TENM4: variants seen among roughly 807,000 people sequenced by gnomAD.
The protein encoded by TENM4 is teneurin transmembrane protein 4.
In TENM4, 82 loss-of-function variants were observed where a neutral mutation model predicts 243.3. The observed-to-expected ratio is 0.34, with a 90% confidence interval of 0.28 to 0.40. The LOEUF is 0.40. Ranked by LOEUF, TENM4 falls within the 10% of genes least tolerant of loss-of-function variation. TENM4 has a pLI of 1.00. For missense variants in TENM4, 3,138 were observed against 3,673.3 expected, an observed-to-expected ratio of 0.85 and a Z score of 3.77; for synonymous variants, 1,412 against 1,456.3, an observed-to-expected ratio of 0.97 and a Z score of 0.69.
chr11:79,145,648 A>T (rs1045510967), intron 4 of TENM4, among the ~76,000 whole-genome samples: 1 of 152,110 alleles, frequency 6.6e-6, no homozygotes, highest in African/African-American at 2.4e-5. Flanking sequence ...TCTCAGGGGT[A>T]TATTCCAAGG....
At chr11:79,437,864 C>G (rs960316541) in intron 1 of TENM4, among the ~76,000 whole-genome samples, 11 of 152,160 alleles carry the variant, frequency 7.2e-5, no homozygotes, top group Non-Finnish European at 1.5e-4. Flanking sequence ...CAGAGCCCCT[C>G]TGGCAGCCGG....
intron 6 of TENM4, among the ~76,000 whole-genome samples, chr11:79,050,035 G>T (rs1479691865): frequency 6.6e-6 from 1 of 152,110 alleles, no homozygotes; most frequent in Non-Finnish European, 1.5e-5. Context: ...TTGAACCTTG[G>T]GCACATCCGG....
chr11:78,920,472 C>A (rs1169061119), intron 6 of TENM4, among the ~76,000 whole-genome samples: 1 of 152,150 alleles, frequency 6.6e-6, no homozygotes, highest in South Asian at 2.1e-4. Context: ...CCGCTGAGCC[C>A]GGAGGCAGGA....
intron 4 of TENM4, among the ~76,000 whole-genome samples, chr11:79,132,709 A>C (rs1348928530): frequency 2.0e-5 from 3 of 152,200 alleles, no homozygotes; most frequent in Admixed American, 6.5e-5. Flanking sequence ...AAACCATGAA[A>C]AAAACATGGA....
intron 20 of TENM4, among the ~76,000 whole-genome samples, chr11:78,732,798 T>G (rs1436464461): frequency 1.3e-5 from 2 of 152,180 alleles, no homozygotes; most frequent in East Asian, 3.9e-4. Context: ...ACATAGAGAA[T>G]TTGCTGAAAT....
intron 8 of TENM4, 40 bp downstream of exon 8, chr11:78,891,198 G>A (rs1565425972): frequency 1.3e-6 from 2 of 1,537,372 alleles, no homozygotes; most frequent in Admixed American, 3.9e-5. Flanking sequence ...GGAGCCACAA[G>A]GAGAGCACAC....
chr11:79,189,851 C>T (rs553950557), intron 3 of TENM4, among the ~76,000 whole-genome samples: 6 of 152,322 alleles, frequency 3.9e-5, no homozygotes, highest in Admixed American at 1.3e-4. Flanking sequence ...GACTTGCCTG[C>T]GCAGCCTCCG....
intron 2 of TENM4, among the ~76,000 whole-genome samples, chr11:79,227,054 A>G (rs1307592371): frequency 6.6e-6 from 1 of 152,172 alleles, no homozygotes; most frequent in Non-Finnish European, 1.5e-5. Flanking sequence ...AGGTTGGGCT[A>G]AAGAAAGTCC....
rs554395822 is a variant in TENM4, at chr11:79,113,429, T to C, written c.-66+35281A>G. On this transcript the variant is annotated intron_variant, in intron 4 of 33. Coordinates refer to ENST00000278550, the MANE Select transcript of TENM4 (RefSeq NM_001098816.3). ...TGTGTGTGTGTGTGTGTTGTGTGTG[T>C]GACAGAGAGAGAGAAAGAGAGGGGG... Among the ~76,000 whole-genome samples, 786 of 150,718 alleles carry C rather than the reference T, an allele frequency of 5.2e-3. 9 individuals carry two copies. The highest frequency in any genetic ancestry group is 0.018 in the African/African-American group (746 of 40,956).
chr11:79,117,364 C>T (rs1033580091), intron 4 of TENM4, among the ~76,000 whole-genome samples: 1 of 152,296 alleles, frequency 6.6e-6, no homozygotes, highest in African/African-American at 2.4e-5. Context: ...ATTTTCAAGC[C>T]TGATTTGAAG....
At chr11:78,857,326 A>C (rs560861113) in intron 10 of TENM4, among the ~76,000 whole-genome samples, 1 of 152,344 alleles carries the variant, frequency 6.6e-6, no homozygotes, top group East Asian at 1.9e-4. Flanking sequence ...TTTGTAAAGA[A>C]AACACACTTT....
At chr11:78,714,842 C>A (rs1234801268) in intron 25 of TENM4, among the ~76,000 whole-genome samples, 1 of 152,188 alleles carries the variant, frequency 6.6e-6, no homozygotes. Context: ...CCTCTGCAAA[C>A]CTTCCCCAGC....
chr11:79,037,087 A>G (rs894221157), intron 6 of TENM4, among the ~76,000 whole-genome samples: 1 of 151,886 alleles, frequency 6.6e-6, no homozygotes, highest in Non-Finnish European at 1.5e-5. Context: ...CTGACAAAGG[A>G]CATCTGGGGT....
intron 6 of TENM4, among the ~76,000 whole-genome samples, chr11:78,915,047 A>G (rs60334808): frequency 0.062 from 9,486 of 152,296 alleles, 408 homozygotes; most frequent in African/African-American, 0.12. Flanking sequence ...ACCATCCGGC[A>G]TGAGTCCACT....
chr11:79,255,960 T>G (rs1308204535), intron 2 of TENM4, among the ~76,000 whole-genome samples: 2 of 152,196 alleles, frequency 1.3e-5, no homozygotes, highest in Non-Finnish European at 2.9e-5. Context: ...CGCTGCCCTT[T>G]TCTGTGCCCC....
intron 1 of TENM4, among the ~76,000 whole-genome samples, chr11:79,308,285 A>G (rs773001220): frequency 2.0e-4 from 31 of 152,252 alleles, no homozygotes; most frequent in Non-Finnish European, 2.6e-4. Context: ...TAAGATTACA[A>G]AGAAAACCGA....
chr11:79,147,840 G>A (rs74484637), intron 4 of TENM4, among the ~76,000 whole-genome samples: 7,560 of 152,122 alleles, frequency 0.05, 623 homozygotes, highest in African/African-American at 0.17. Context: ...GCAAGTGATA[G>A]GGCTTGGATT....
At chr11:78,877,022 A>G (rs1270324194) in intron 9 of TENM4, among the ~76,000 whole-genome samples, 1 of 152,206 alleles carries the variant, frequency 6.6e-6, no homozygotes, top group Non-Finnish European at 1.5e-5. Flanking sequence ...ATACTAATTG[A>G]CATTTTACCA....
rs775225883 is a variant in TENM4, at chr11:78,756,841, G to A, written c.2720C>T (p.Thr907Met). The change falls in exon 19 of 34, where the codon ACG (threonine) becomes ATG (methionine). Residue 907 changes from threonine to methionine, a missense_variant. This residue lies in a region of TENM4 where 2,467 missense variants were observed against 3,059.1 expected (regional missense o/e 0.81). Transcript: ENST00000278550. Reference protein sequence around the residue: ...RIKFLVGRDSTHIIPGENPFD... With the variant: ...RIKFLVGRDSMHIIPGENPFD... ...GGGGTTCTCCCCGGGGATTATGTGC[G>A]TGCTGTCCCTGCCCACGAGGAACTT... 6.2e-6 allele frequency: 10 copies of A among 1,613,914 alleles called. No individual in the cohort carries two copies. The highest frequency in any genetic ancestry group is 1.3e-5 in the African/African-American group (1 of 75,034).
Sources: gnomAD v4.1 joint callset for allele counts (sites outside exome capture counted in the v4.1 genomes callset) on GRCh38, gnomAD v4.1.1 for gene constraint, gnomAD v4.1.1 regional missense constraint, MANE v1.5 for transcripts, NCBI Gene and HGNC (gene_info 2026-07-23, HGNC 2026-07-21) for gene names.